CRYBG3: variants seen among roughly 807,000 people sequenced by gnomAD.
CRYBG3 encodes very large A-kinase anchor protein.
In CRYBG3, 127 loss-of-function variants were observed where a neutral mutation model predicts 244.2. The observed-to-expected ratio is 0.52, with a 90% CI of 0.45 to 0.60. The LOEUF (loss-of-function observed/expected upper bound fraction) is 0.60, where lower values mean the gene tolerates loss of function less well. Among genes scored for constraint, CRYBG3 ranks in the 20% least tolerant of loss-of-function variants. CRYBG3 has a pLI of 0.00. For missense variants in CRYBG3, 3,325 were observed against 3,442.5 expected, an observed-to-expected ratio of 0.97 and a Z score of 0.85; for synonymous variants, 1,132 against 1,195.8, an observed-to-expected ratio of 0.95 and a Z score of 1.10.
Position 97,874,119 on chromosome 3 carries a change from G to T in CRYBG3, c.2925G>T (p.Gly975=), listed in dbSNP as rs1448906697. The T allele has an allele frequency of 1.3e-6, 2 of 1,534,932 alleles. No homozygotes were observed. The highest frequency in any genetic ancestry group is 2.0e-5 in the Admixed American group (1 of 50,806). The change falls in exon 4 of 22, where the codon GGG becomes GGT. Residue 975 remains glycine, a synonymous_variant. Coordinates refer to ENST00000389622, the MANE Select transcript of CRYBG3 (RefSeq NM_153605.4). ...TTCATCAATCTTTGGATATTTGTGG[G>T]ACTAAAAAGATTTCTGGTCACTCAG... ...CVFHQSLDIC[G]TKKISGHSEM... is the part of the protein sequence containing the mutation.
intron 7 of CRYBG3, among the ~76,000 whole-genome samples, chr3:97,885,487 A>T (rs573567521): frequency 6.6e-6 from 1 of 152,302 alleles, no homozygotes; most frequent in East Asian, 1.9e-4. Context: ...ACTCATGAGT[A>T]TTGAGATAGT....
chr3:97,889,149 A>G lies in CRYBG3; in HGVS notation c.7405-206A>G, dbSNP rs182549653. Among the ~76,000 whole-genome samples the G allele has an allele frequency of 1.5e-3, 234 of 152,292 alleles. 1 individual carries two copies. Among genetic ancestry groups the G allele is most frequent in the African/African-American group, 5.3e-3 (221 of 41,564 alleles). ...ATCCTTAAGATTTCTTGCCCCATCTACATTGATGAGGAACACTATAACTTG... is the reference window on the plus strand; with the variant it reads ...ATCCTTAAGATTTCTTGCCCCATCTGCATTGATGAGGAACACTATAACTTG... On this transcript the variant is annotated intron_variant, in intron 9 of 21. Transcript: ENST00000389622.
Position 97,872,062 on chromosome 3 carries a change from T to C in CRYBG3, c.868T>C (p.Ser290Pro). ...LPLLLSASTD[S>P]SMKGNLLEGP... ...ACTGTTGTTATCAGCTAGTACAGACTCATCTATGAAAGGAAATCTACTTGA... is the reference window on the plus strand; with the variant it reads ...ACTGTTGTTATCAGCTAGTACAGACCCATCTATGAAAGGAAATCTACTTGA... The change falls in exon 4 of 22, where the codon TCA (serine) becomes CCA (proline). Residue 290 changes from serine (S) to proline (P), a missense_variant. By Grantham distance (74) the Ser-to-Pro change is moderately conservative. Coordinates refer to ENST00000389622, the MANE Select transcript of CRYBG3 (RefSeq NM_153605.4). 6.5e-7 allele frequency: 1 copy of C among 1,535,784 alleles called. No individual in the cohort carries two copies. Among genetic ancestry groups the C allele is most frequent in the Non-Finnish European group, 8.7e-7 (1 of 1,146,710 alleles).
intron 15 of CRYBG3, among the ~76,000 whole-genome samples, chr3:97,906,605 G>C (rs1187377725): frequency 0.013 from 1,243 of 92,942 alleles, no homozygotes; most frequent in South Asian, 0.022. Context: ...TGTATCCTGA[G>C]ACTTTGCTGA....
At chr3:97,925,568 A>G (rs1375829428) in intron 17 of CRYBG3, among the ~76,000 whole-genome samples, 2 of 152,076 alleles carry the variant, frequency 1.3e-5, no homozygotes, top group African/African-American at 4.8e-5. Flanking sequence ...TAGGCAAGGA[A>G]AGCAGGCTAC....
intron 4 of CRYBG3, among the ~76,000 whole-genome samples, chr3:97,878,738 T>C (rs1314553683): frequency 2.6e-5 from 4 of 152,230 alleles, no homozygotes; most frequent in Non-Finnish European, 4.4e-5. Flanking sequence ...TTTTAAGTAT[T>C]TGACAGCAGC....
intron 2 of CRYBG3, among the ~76,000 whole-genome samples, chr3:97,861,362 C>T (rs1448018546): frequency 6.6e-6 from 1 of 152,124 alleles, no homozygotes; most frequent in Non-Finnish European, 1.5e-5. Flanking sequence ...TGTAAGCCCC[C>T]TACAGTGATA....
intron 3 of CRYBG3, among the ~76,000 whole-genome samples, chr3:97,870,947 C>T (rs1197593322): frequency 1.3e-5 from 2 of 152,134 alleles, no homozygotes; most frequent in Admixed American, 6.6e-5. Flanking sequence ...ACTAACTGTC[C>T]ATCTTAGTAG....
chr3:97,869,512 T>C (rs1271277273), intron 3 of CRYBG3, among the ~76,000 whole-genome samples: 1 of 152,152 alleles, frequency 6.6e-6, no homozygotes, highest in Non-Finnish European at 1.5e-5. Flanking sequence ...GTTGGCTCTG[T>C]GCACGAGGCT....
intron 15 of CRYBG3, among the ~76,000 whole-genome samples, chr3:97,908,583 T>C (rs2039807245): frequency 6.6e-6 from 1 of 152,212 alleles, no homozygotes; most frequent in African/African-American, 2.4e-5. Context: ...TGCCTTTTTT[T>C]GTTTTCCATT....
Position 97,873,835 on chromosome 3 carries a change from G to C in CRYBG3, c.2641G>C (p.Glu881Gln). 1 of 1,534,092 alleles carries C rather than the reference G, an allele frequency of 6.5e-7. No homozygotes were observed. Among genetic ancestry groups the C allele is most frequent in the Non-Finnish European group, 8.7e-7 (1 of 1,146,262 alleles). ...GTCAGAATTAACCTTTCTAGAAGTT[G>C]AACAGGGCAAACGTTTTCAATCAAT... ...ILSELTFLEV[E>Q]QGKRFQSINH... Residue 881 changes from glutamate (E) to glutamine (Q), a missense_variant, in exon 4 of 22, where the codon GAA becomes CAA. Glu to Gln is a conservative substitution (Grantham distance 29, BLOSUM62 2). Transcript: ENST00000389622.
At chr3:97,893,860 G>A (rs1392232598) in intron 11 of CRYBG3, among the ~76,000 whole-genome samples, 1 of 152,060 alleles carries the variant, frequency 6.6e-6, no homozygotes, top group African/African-American at 2.4e-5. Context: ...GATCACTCAA[G>A]GGCCTATATT....
chr3:97,863,728 T>C (rs1032451509), intron 2 of CRYBG3, among the ~76,000 whole-genome samples: 4 of 152,176 alleles, frequency 2.6e-5, no homozygotes, highest in Non-Finnish European at 5.9e-5. Flanking sequence ...ATTTAAATAC[T>C]CATAAGGTTT....
intron 2 of CRYBG3, among the ~76,000 whole-genome samples, chr3:97,862,364 A>G (rs2039163171): frequency 6.6e-6 from 1 of 152,084 alleles, no homozygotes; most frequent in Non-Finnish European, 1.5e-5. Context: ...AAAGCATTTT[A>G]AGGATATTTA....
At chr3:97,824,260 T>C (rs2038549530) in intron 1 of CRYBG3, among the ~76,000 whole-genome samples, 1 of 152,218 alleles carries the variant, frequency 6.6e-6, no homozygotes, top group African/African-American at 2.4e-5. Flanking sequence ...GGAAACAGAA[T>C]TGCAATTTGT....
intron 1 of CRYBG3, among the ~76,000 whole-genome samples, chr3:97,831,300 GTCTT>G (rs1252419004): frequency 1.3e-5 from 2 of 152,202 alleles, no homozygotes; most frequent in Non-Finnish European, 2.9e-5. Context: ...ACAGACTTCA[GTCTT>G]TCTTCTTGTA....
chr3:97,852,453 G>T (rs2038999904), intron 2 of CRYBG3, among the ~76,000 whole-genome samples: 1 of 152,156 alleles, frequency 6.6e-6, no homozygotes, highest in South Asian at 2.1e-4. Context: ...GGATTATTGG[G>T]GAGGTAGCCC....
In CRYBG3 at chr3:97,897,410, A is replaced by G. The variant is rs575497579; in HGVS notation, c.7701+1325A>G. On this transcript the variant is annotated intron_variant, in intron 12 of 21. Coordinates refer to ENST00000389622, the MANE Select transcript of CRYBG3 (RefSeq NM_153605.4). ...TAGGGAGTACTGTACCTGAGATTCT[A>G]CTAACTTATGCAAGTGCTTTAAAAT... is the stretch of plus-strand genomic sequence containing the variant. Among the ~76,000 whole-genome samples the G allele has an allele frequency of 5.3e-5, 8 of 152,114 alleles. No homozygotes were observed. In the South Asian group the frequency reaches 1.5e-3, roughly 28 times the overall value.
chr3:97,875,795 T>A lies in CRYBG3; in HGVS notation c.4601T>A (p.Ile1534Lys). ...KVHKKDNEIN[I>K]GKIELIPSML... ...CACAAGAAGGATAATGAAATAAATA[T>A]AGGGAAAATTGAACTTATACCTTCC... Residue 1534 changes from isoleucine to lysine, a missense_variant, in exon 4 of 22, where the codon ATA (isoleucine) becomes AAA (lysine). Ile to Lys is a moderately radical substitution (Grantham distance 102). Transcript: ENST00000389622. The A allele has an allele frequency of 8.1e-7, 1 of 1,231,244 alleles. No homozygotes were observed. Among genetic ancestry groups the A allele is most frequent in the Non-Finnish European group, 1.0e-6 (1 of 987,434 alleles). 76.3% of individuals were successfully genotyped at this position (1,231,244 alleles called of 1,614,324 possible). A position where few individuals can be genotyped will look rare whatever the true frequency, so the allele number is the denominator to read the frequency against.
Sources: gnomAD v4.1 joint callset for allele counts (sites outside exome capture counted in the v4.1 genomes callset) on GRCh38, gnomAD v4.1.1 for gene constraint, MANE v1.5 for transcripts, NCBI Gene and HGNC (gene_info 2026-07-23, HGNC 2026-07-21) for gene names.